TTN: variants seen among roughly 807,000 people sequenced by gnomAD.
The protein encoded by TTN is titin.
Under a neutral mutation model 3,223.0 loss-of-function variants are expected in TTN, and 1,525 were observed. The observed-to-expected ratio is 0.47, with a 90% CI of 0.45 to 0.49. The LOEUF is 0.49. TTN is among the 20% of genes least tolerant of loss of function. TTN has a pLI of 0.00. For synonymous variants in TTN, 14,094 were observed against 15,161.0 expected, an observed-to-expected ratio of 0.93 and a Z score of 5.17; for missense variants, 40,786 against 43,424.0, an observed-to-expected ratio of 0.94 and a Z score of 5.40.
chr2:178,640,745 T>A (rs1235373132), intron 220 of TTN, 115 bp from the exon 221 acceptor site: 2 of 791,280 alleles, frequency 2.5e-6, no homozygotes, highest in Non-Finnish European at 4.0e-6. Context: ...AAAAACCTTA[T>A]AGTTTATCAA....
chr2:178,779,146 T>A, intron 23 of TTN, 28 bp from the exon 24 acceptor site: 1 of 1,613,338 alleles, frequency 6.2e-7, no homozygotes, highest in South Asian at 1.1e-5. Flanking sequence ...CATGTATGAA[T>A]AAAATTTACA....
Position 178,535,649 on chromosome 2 carries a change from G to C in TTN, c.100966C>G (p.Pro33656Ala), listed in dbSNP as rs559295181. The stretch of plus-strand genomic sequence containing the variant: ...GCATCTTTTCTCTCTACCCCATTGG[G>C]GAAAACAAGTGATGTGAAGGATCTT... ...VTRSFTSLVF[P>A]NGVERKDAGF... The change falls in exon 358 of 363, where the codon CCC becomes GCC. Residue 33656 changes from proline (P) to alanine (A), a missense_variant. Coordinates refer to ENST00000589042, the MANE Select transcript of TTN (RefSeq NM_001267550.2). The C allele has an allele frequency of 6.2e-7, 1 of 1,613,722 alleles. No individual in the cohort carries two copies. Among genetic ancestry groups the C allele is most frequent in the East Asian group, 2.2e-5 (1 of 44,874 alleles).
intron 350 of TTN, 99 bp downstream of exon 350, chr2:178,541,183 C>T: frequency 8.5e-7 from 1 of 1,183,016 alleles, no homozygotes; most frequent in Non-Finnish European, 1.1e-6. Flanking sequence ...CAAAACAGTA[C>T]ATTTTTCAAA....
At chr2:178,545,322 G>A in intron 344 of TTN, 66 bp downstream of exon 344, 2 of 1,419,358 alleles carry the variant, frequency 1.4e-6, no homozygotes, top group Non-Finnish European at 9.3e-7. Flanking sequence ...GAGATTGTGT[G>A]TTGGAAAATT....
chr2:178,543,981 G>A lies in TTN; in HGVS notation c.96163C>T (p.Leu32055Phe). The A allele has an allele frequency of 6.2e-7, 1 of 1,613,672 alleles. No homozygotes were observed. Among genetic ancestry groups the A allele is most frequent in the South Asian group, 1.1e-5 (1 of 91,070 alleles). The change falls in exon 346 of 363, where the codon CTT becomes TTT. Residue 32055 changes from leucine (L) to phenylalanine (F), a missense_variant. Transcript: ENST00000589042. ...GTGTCAATAATTGCCCGGCTTGCAA[G>A]GTCAATGCCCTGCTTGCTCCACGTT... ...VITWSKQGID[L>F]ASRAIIDTTE...
chr2:178,627,523 CA>C (rs1431652593), intron 240 of TTN, among the ~76,000 whole-genome samples: 1 of 151,904 alleles, frequency 6.6e-6, no homozygotes, highest in Non-Finnish European at 1.5e-5. Context: ...AATGCAAGAG[CA>C]AGTTCACAAA....
Position 178,577,161 on chromosome 2 carries a change from T to C in TTN, c.69174A>G (p.Thr23058=). ...EISNVSAEKA[T]LTWTPPLEDG... Reference sequence around the variant, plus strand: ...CTTCCAAGGGAGGTGTCCATGTAAGTGTTGCTTTTTCAGCAGAAACATTAC... The same window carrying C: ...CTTCCAAGGGAGGTGTCCATGTAAGCGTTGCTTTTTCAGCAGAAACATTAC... The change falls in exon 324 of 363, where the codon ACA becomes ACG. Residue 23058 remains threonine (T), a synonymous_variant. Transcript: ENST00000589042. 6.2e-7 allele frequency: 1 copy of C among 1,612,940 alleles called. No individual in the cohort carries two copies. The highest frequency in any genetic ancestry group is 8.5e-7 in the Non-Finnish European group (1 of 1,179,394).
chr2:178,713,685 A>G (rs1414422069), intron 92 of TTN: 1 of 767,142 alleles, frequency 1.3e-6, no homozygotes, highest in African/African-American at 1.8e-5. Context: ...CATTCCTATC[A>G]TCATTTTGGA....
Position 178,564,857 on chromosome 2 carries a change from T to A in TTN, c.81275A>T (p.Gln27092Leu), listed in dbSNP as rs950280958. The change falls in exon 326 of 363, where the codon CAA becomes CTA. Residue 27092 changes from glutamine to leucine, a missense_variant. Gln to Leu is a moderately radical substitution (Grantham distance 113, BLOSUM62 -2). Coordinates refer to ENST00000589042, the MANE Select transcript of TTN (RefSeq NM_001267550.2). ...TCCATCATTCACTGGCTCATGCCATTGCACAAGCATCTGATCTTTTGAGAT... is the reference window on the plus strand; with the variant it reads ...TCCATCATTCACTGGCTCATGCCATAGCACAAGCATCTGATCTTTTGAGAT... ...TSISKDQMLV[Q>L]WHEPVNDGGT... 1 of 1,613,080 alleles carries A rather than the reference T, an allele frequency of 6.2e-7. No homozygotes were observed. The highest frequency in any genetic ancestry group is 1.1e-5 in the South Asian group (1 of 90,922).
In TTN at chr2:178,732,444, T is replaced by A. The variant is rs770007369; in HGVS notation, c.16617A>T (p.Val5539=). 4.4e-6 allele frequency: 7 copies of A among 1,599,408 alleles called. No individual in the cohort carries two copies. The highest frequency in any genetic ancestry group is 6.0e-6 in the Non-Finnish European group (7 of 1,171,578). Residue 5539 remains valine, a synonymous_variant, in exon 56 of 363, where the codon GTA becomes GTT. Coordinates refer to ENST00000589042, the MANE Select transcript of TTN (RefSeq NM_001267550.2). ...TGTCAAGAAAACAATGCAAACCTTT[T>A]ACAAACAAGTTTGCACTGCATTCCA... is the stretch of plus-strand genomic sequence containing the variant. ...GGVECSANLF[V]KEPATFVEKL...
Position 178,727,155 on chromosome 2 carries a change from T to A in TTN, c.20210A>T (p.Asp6737Val). The change falls in exon 69 of 363, where the codon GAT becomes GTT. Residue 6737 changes from aspartate (D) to valine (V), a missense_variant. Physicochemically the swap from Asp to Val is radical, Grantham distance 152. Transcript: ENST00000589042. Reference sequence around the variant, plus strand: ...GGGATTCTGAGCCTCACAAATGAAATCTCCACTGTCCTCAGTACTGAGATT... The same window carrying A: ...GGGATTCTGAGCCTCACAAATGAAAACTCCACTGTCCTCAGTACTGAGATT... Reference protein sequence around the residue: ...MNNLSTEDSGDFICEAQNPAG... With the variant: ...MNNLSTEDSGVFICEAQNPAG... The A allele has an allele frequency of 1.2e-6, 2 of 1,606,502 alleles. No individual in the cohort carries two copies. The highest frequency in any genetic ancestry group is 4.5e-5 in the East Asian group (2 of 44,662).
rs1225974862 is a variant in TTN at position 178,717,242 on chromosome 2, G to C, written c.25492C>G (p.Pro8498Ala). 2.5e-6 allele frequency: 4 copies of C among 1,613,518 alleles called. No individual in the cohort carries two copies. The African/African-American group carries it at 4.0e-5, about 16-fold the overall frequency. The stretch of plus-strand genomic sequence containing the variant: ...AAAGTCATCTTGTAGTTGCCTCCAG[G>C]GCGAATCTCTCGGTTATCTTTGGCC... Reference protein sequence around the residue: ...TWAKDNREIRPGGNYKMTLVE... With the variant: ...TWAKDNREIRAGGNYKMTLVE... The change falls in exon 88 of 363, where the codon CCT (proline) becomes GCT (alanine). Residue 8498 changes from proline (P) to alanine (A), a missense_variant. Physicochemically the swap from Pro to Ala is conservative, Grantham distance 27. Transcript: ENST00000589042.
At position 178,777,006 on chromosome 2, in the gene TTN, T is replaced by C; in HGVS notation, c.4858A>G (p.Thr1620Ala). Residue 1620 changes from threonine (T) to alanine (A), a missense_variant, in exon 28 of 363, where the codon ACT (threonine) becomes GCT (alanine). Transcript: ENST00000589042. ...KGEAALKIDS[T>A]VSQDSAWYTA... The stretch of plus-strand genomic sequence containing the variant: ...TACCAGGCAGAATCTTGGCTGACAG[T>C]GGAATCGATTTTAAGGGCAGCTTCT... 1 of 1,614,072 alleles carries C rather than the reference T, an allele frequency of 6.2e-7. No individual in the cohort carries two copies. The highest frequency in any genetic ancestry group is 8.5e-7 in the Non-Finnish European group (1 of 1,179,994).
chr2:178,537,851 T>C lies in TTN; in HGVS notation c.99356A>G (p.Gln33119Arg), dbSNP rs775783429. 13 of 1,613,646 alleles carry C rather than the reference T, an allele frequency of 8.1e-6. No individual in the cohort carries two copies. The South Asian group carries it at 1.3e-4, about 16-fold the overall frequency. The change falls in exon 355 of 363, where the codon CAA (glutamine) becomes CGA (arginine). Residue 33119 changes from glutamine to arginine, a missense_variant. Coordinates refer to ENST00000589042, the MANE Select transcript of TTN (RefSeq NM_001267550.2). The part of the protein sequence containing the change: ...DVTTKLGEAA[Q>R]LSCQIVGRPL... ...CCTTCCAACAATCTGGCATGAGAGT[T>C]GAGCAGCTTCACCCAATTTTGTGGT...
Position 178,544,076 on chromosome 2 carries a change from G to A in TTN, c.96068C>T (p.Thr32023Ile). ...DLELADDLKKTVTIRAGASLR... is the reference protein window; with the variant it reads ...DLELADDLKKIVTIRAGASLR... ...GGAGGCCCCAGCCCTGATGGTCACA[G>A]TCTTCTTTAGATCATCTGCAAGCTC... Residue 32023 changes from threonine (T) to isoleucine (I), a missense_variant, in exon 346 of 363, where the codon ACT becomes ATT. Coordinates refer to ENST00000589042, the MANE Select transcript of TTN (RefSeq NM_001267550.2). 1 of 1,612,842 alleles carries A rather than the reference G, an allele frequency of 6.2e-7. No homozygotes were observed. Among genetic ancestry groups the A allele is most frequent in the Non-Finnish European group, 8.5e-7 (1 of 1,179,162 alleles).
At position 178,714,112 on chromosome 2, in the gene TTN, AAGGTAC is replaced by A; in HGVS notation, c.26540_26545del (p.Cys8847_Thr8848del). The A allele has an allele frequency of 6.2e-7, 1 of 1,613,782 alleles. No individual in the cohort carries two copies. The stretch of plus-strand genomic sequence containing the variant: ...AGGGGTGCCAGCTACTGTACACTCC[AAGGTAC>A]AGGTGTCTCCCGTGGTAACTTTTAT... On this transcript the variant is annotated inframe_deletion, in exon 92 of 363. Coordinates refer to ENST00000589042, the MANE Select transcript of TTN (RefSeq NM_001267550.2).
In TTN at chr2:178,681,726, G is replaced by T; in HGVS notation, c.33107C>A (p.Pro11036His). ...TTCTGGGACAGGCTTTACAGGGATA[G>T]GCTTCTCTGGTTCTTTAAAAGTACA... ...HEEYITEPEK[P>H]IPVKPVPEEP... is the part of the protein sequence containing the mutation. Residue 11036 changes from proline to histidine, a missense_variant, in exon 136 of 363, where the codon CCT becomes CAT. Coordinates refer to ENST00000589042, the MANE Select transcript of TTN (RefSeq NM_001267550.2). 6.3e-7 allele frequency: 1 copy of T among 1,594,456 alleles called. No individual in the cohort carries two copies. Among genetic ancestry groups the T allele is most frequent in the Non-Finnish European group, 8.5e-7 (1 of 1,175,084 alleles).
At chr2:178,727,491 T>C in intron 68 of TTN, 94 bp downstream of exon 68, 1 of 1,495,282 alleles carries the variant, frequency 6.7e-7, no homozygotes, top group Non-Finnish European at 8.9e-7. Context: ...TTAGAAAGAA[T>C]ACTACTTTCT....
At position 178,773,376 on chromosome 2, in the gene TTN, A is replaced by G. The variant is rs754250448; in HGVS notation, c.7595-7T>C. 8 of 1,613,810 alleles carry G rather than the reference A, an allele frequency of 5.0e-6. No homozygotes were observed. The highest frequency in any genetic ancestry group is 1.3e-5 in the African/African-American group (1 of 74,914). ...CCTCTGATAATTTTAATTTCTGGGG[A>G]AAAAATAAAATAATCTCTTGGTTAT... On this transcript the variant is annotated splice_region_variant and splice_polypyrimidine_tract_variant and intron_variant, in intron 32 of 362. Transcript: ENST00000589042.
Sources: allele counts gnomAD v4.1 joint callset (sites outside exome capture counted in the v4.1 genomes callset), GRCh38; gene constraint gnomAD v4.1.1; transcripts MANE v1.5; gene names NCBI Gene and HGNC (gene_info 2026-07-23, HGNC 2026-07-21).